The following PIGB variants were observed in gnomAD, a reference collection of about 807,000 sequenced individuals.
The protein encoded by PIGB is phosphatidylinositol glycan anchor biosynthesis class B.
PIGB carries 58 observed loss-of-function variants against 68.4 expected under a neutral mutation model. That is an observed-to-expected ratio of 0.85 (90% CI 0.69 to 1.06). The LOEUF (loss-of-function observed/expected upper bound fraction) is 1.06. Among genes scored for constraint, PIGB ranks in the 50% least tolerant of loss-of-function variants. The probability of loss-of-function intolerance (pLI) is 0.00; values close to 1 mark genes in which losing one functional copy is unlikely to be tolerated. For missense variants in PIGB, 634 were observed against 655.8 expected (o/e 0.97, Z 0.36); for synonymous variants, 219 against 220.5 (o/e 0.99, Z 0.06).
intron 10 of PIGB, among the ~76,000 whole-genome samples, chr15:55,352,147 C>G (rs1391376219): frequency 6.6e-6 from 1 of 151,726 alleles, no homozygotes; most frequent in Non-Finnish European, 1.5e-5. Flanking sequence ...AGGGTTTCTC[C>G]ATGTTGGTCA....
chr15:55,350,570 GCTTATTT>G lies in PIGB; in HGVS notation c.1124-121_1124-115del, dbSNP rs1199312190. ...TGAATGGTCAGAGATATGACTTATT[GCTTATTT>G]CTTATTTGTCTATAACAGTATTACA... On this transcript the variant is annotated intron_variant, in intron 9 of 11. Coordinates refer to ENST00000164305, the MANE Select transcript of PIGB (RefSeq NM_004855.5). 12 of 680,912 alleles carry G rather than the reference GCTTATTT, an allele frequency of 1.8e-5. No individual in the cohort carries two copies. In the African/African-American group the frequency reaches 2.1e-4, roughly 12 times the overall value. 42.2% of individuals were successfully genotyped at this position (680,912 alleles called of 1,614,324 possible).
chr15:55,351,490 T>C (rs1404754222), intron 10 of PIGB: 3 of 152,392 alleles, frequency 2.0e-5, no homozygotes, highest in Non-Finnish European at 4.4e-5. Context: ...AGGTATCTGA[T>C]AGTCTTCTTA....
intron 3 of PIGB, chr15:55,324,817 A>G (rs2055243102): frequency 1.0e-6 from 1 of 984,954 alleles, no homozygotes; most frequent in Admixed American, 6.1e-5. Flanking sequence ...ATAGCTCCCT[A>G]TGCAGAGTAA....
chr15:55,335,244 T>C (rs956635779), intron 6 of PIGB, among the ~76,000 whole-genome samples: 28 of 152,204 alleles, frequency 1.8e-4, no homozygotes, highest in African/African-American at 6.5e-4. Context: ...TGTATCCCCA[T>C]TGTTAAGCAA....
At chr15:55,330,895 G>T (rs140308686) in intron 5 of PIGB, among the ~76,000 whole-genome samples, 1 of 152,118 alleles carries the variant, frequency 6.6e-6, no homozygotes, top group African/African-American at 2.4e-5. Context: ...CTCAAGTTAC[G>T]TATATGATGA....
rs11353654 is a variant in PIGB at position 55,341,063 on chromosome 15, T to TAA, written c.1058+253_1058+254dup. 4.8e-3 allele frequency among the ~76,000 whole-genome samples: 702 copies of TAA among 144,898 alleles called. 10 individuals carry two copies. The highest frequency in any genetic ancestry group is 0.017 in the African/African-American group (670 of 39,782). On this transcript the variant is annotated intron_variant, in intron 8 of 11. Coordinates refer to ENST00000164305, the MANE Select transcript of PIGB (RefSeq NM_004855.5). ...GAACTTGGACTAATTTTATTTGCTT[T>TAA]AAAAAAAAAAAAAACAGACCAGGCA...
At chr15:55,355,259 TTTAC>T in intron 11 of PIGB, 23 bp from the exon 12 acceptor site, 2 of 1,571,644 alleles carry the variant, frequency 1.3e-6, no homozygotes, top group East Asian at 2.2e-5. Flanking sequence ...GTAGCCTTTA[TTTAC>T]TTAAACATTT....
intron 3 of PIGB, among the ~76,000 whole-genome samples, chr15:55,323,652 T>C (rs1288295804): frequency 6.6e-6 from 1 of 152,226 alleles, no homozygotes; most frequent in African/African-American, 2.4e-5. Flanking sequence ...TTTTTATTGA[T>C]TAAATGTTCA....
At chr15:55,319,507 G>C (rs990212332) in intron 1 of PIGB, 94 bp downstream of exon 1, 2 of 880,432 alleles carry the variant, frequency 2.3e-6, no homozygotes, top group Non-Finnish European at 3.3e-6. Context: ...TGAGCTCTGT[G>C]TTGCCAGATC....
intron 5 of PIGB, among the ~76,000 whole-genome samples, chr15:55,330,362 C>G (rs565853675): frequency 3.6e-4 from 55 of 152,342 alleles, no homozygotes; most frequent in Non-Finnish European, 7.3e-4. Context: ...TTCAGGTCAG[C>G]TTTCCTGCGT....
intron 2 of PIGB, 82 bp downstream of exon 2, chr15:55,320,492 C>G: frequency 1.5e-6 from 2 of 1,315,448 alleles, no homozygotes; most frequent in Non-Finnish European, 2.1e-6. Context: ...GAGTAGTCCC[C>G]CTTGCTCCCT....
chr15:55,329,505 ACTT>A (rs2055365701), intron 4 of PIGB, among the ~76,000 whole-genome samples: 1 of 152,200 alleles, frequency 6.6e-6, no homozygotes, highest in South Asian at 2.1e-4. Flanking sequence ...GAAAGTATAA[ACTT>A]CTTAACATGA....
intron 3 of PIGB, among the ~76,000 whole-genome samples, chr15:55,325,457 CT>C (rs201484645): frequency 9.3e-5 from 14 of 151,222 alleles, no homozygotes; most frequent in Admixed American, 4.0e-4. Flanking sequence ...ACTATGACAC[CT>C]TTTTTTTTAA....
chr15:55,353,429 A>G (rs193064020), intron 10 of PIGB, among the ~76,000 whole-genome samples: 1 of 152,348 alleles, frequency 6.6e-6, no homozygotes, highest in Non-Finnish European at 1.5e-5. Flanking sequence ...CATTTCATAA[A>G]TAAACCTCCT....
Position 55,321,356 on chromosome 15 carries a change from T to C in PIGB, c.383T>C (p.Leu128Pro), listed in dbSNP as rs748184325. The C allele has an allele frequency of 1.2e-6, 2 of 1,606,406 alleles. No individual in the cohort carries two copies. The highest frequency in any genetic ancestry group is 4.5e-5 in the East Asian group (2 of 44,778). Residue 128 changes from leucine to proline, a missense_variant, in exon 3 of 12, where the codon CTT becomes CCT. Coordinates refer to ENST00000164305, the MANE Select transcript of PIGB (RefSeq NM_004855.5). ...PLIFASIYKI[L>P]HLLGKDSVQL... ...ATCTTTGCAAGCATTTACAAGATTC[T>C]TCATCTTTTAGGGAAAGATAGTGTT... is the stretch of plus-strand genomic sequence containing the variant.
intron 3 of PIGB, among the ~76,000 whole-genome samples, chr15:55,324,338 T>G (rs550646715): frequency 6.6e-6 from 1 of 152,352 alleles, no homozygotes; most frequent in South Asian, 2.1e-4. Flanking sequence ...CTCACTCCAC[T>G]GCTTTATTTT....
chr15:55,326,995 G>A (rs2055304019), intron 3 of PIGB, among the ~76,000 whole-genome samples: 1 of 152,010 alleles, frequency 6.6e-6, no homozygotes, highest in Non-Finnish European at 1.5e-5. Flanking sequence ...GCTGAGTGTG[G>A]CAGTGCATGT....
In PIGB at chr15:55,321,364, T is replaced by C. The variant is rs769444604; in HGVS notation, c.391T>C (p.Leu131=). Residue 131 remains leucine (L), a synonymous_variant, in exon 3 of 12, where the codon TTA becomes CTA. Coordinates refer to ENST00000164305, the MANE Select transcript of PIGB (RefSeq NM_004855.5). Reference sequence around the variant, plus strand: ...AAGCATTTACAAGATTCTTCATCTTTTAGGGAAAGATAGTGTTCAGTTGCT... The same window carrying C: ...AAGCATTTACAAGATTCTTCATCTTCTAGGGAAAGATAGTGTTCAGTTGCT... ...FASIYKILHL[L]GKDSVQLLIW... 39 of 1,605,106 alleles carry C rather than the reference T, an allele frequency of 2.4e-5. No individual in the cohort carries two copies. Among genetic ancestry groups the C allele is most frequent in the Non-Finnish European group, 3.1e-5 (37 of 1,174,928 alleles).
chr15:55,319,428 ACTGT>A lies in PIGB; in HGVS notation c.163+19_163+22del. On this transcript the variant is annotated intron_variant, in intron 1 of 11. Coordinates refer to ENST00000164305, the MANE Select transcript of PIGB (RefSeq NM_004855.5). ...GCGCCGCGGGGGTGAGTGAGGGGAC[ACTGT>A]CTGGAGAGCTCCTACCCCCATCTAA... The A allele has an allele frequency of 3.2e-6, 5 of 1,550,168 alleles. No individual in the cohort carries two copies. The highest frequency in any genetic ancestry group is 4.4e-6 in the Non-Finnish European group (5 of 1,145,818).
Sources: allele counts gnomAD v4.1 joint callset (sites outside exome capture counted in the v4.1 genomes callset), GRCh38; gene constraint gnomAD v4.1.1; transcripts MANE v1.5; gene names NCBI Gene and HGNC (gene_info 2026-07-23, HGNC 2026-07-21).